Variants in GRID1 observed in about 807,000 individuals in gnomAD.
GRID1 encodes glutamate ionotropic receptor delta type subunit 1.
GRID1 carries 28 observed loss-of-function variants against 98.0 expected under a neutral mutation model. That is an observed-to-expected ratio of 0.29 (90% CI 0.21 to 0.39). The LOEUF (loss-of-function observed/expected upper bound fraction) is 0.39. Ranked by LOEUF, GRID1 falls within the 10% of genes least tolerant of loss-of-function variation. The pLI is 1.00. For synonymous variants in GRID1, 553 were observed against 538.5 expected, an observed-to-expected ratio of 1.03 and a Z score of -0.37; for missense variants, 1,111 against 1,340.5, an observed-to-expected ratio of 0.83 and a Z score of 2.67.
At chr10:85,794,660 T>A (rs1842509996) in intron 8 of GRID1, among the ~76,000 whole-genome samples, 1 of 152,242 alleles carries the variant, frequency 6.6e-6, no homozygotes, top group Non-Finnish European at 1.5e-5. Flanking sequence ...GTAATGGCAA[T>A]GGCAAATTCA....
chr10:86,363,426 T>G (rs570887487), intron 2 of GRID1, among the ~76,000 whole-genome samples: 8 of 152,138 alleles, frequency 5.3e-5, no homozygotes, highest in Admixed American at 4.6e-4. Flanking sequence ...GGGCTGAGGC[T>G]CTGGGGGCCG....
At chr10:86,243,274 T>A (rs879720371) in intron 2 of GRID1, among the ~76,000 whole-genome samples, 17 of 152,200 alleles carry the variant, frequency 1.1e-4, no homozygotes, top group Non-Finnish European at 2.2e-4. Context: ...CCGTGCTCAA[T>A]AGGGTAGGTC....
chr10:85,983,784 G>C (rs552409693), intron 4 of GRID1, among the ~76,000 whole-genome samples: 3 of 152,270 alleles, frequency 2.0e-5, no homozygotes, highest in Non-Finnish European at 4.4e-5. Flanking sequence ...GCACTCCATT[G>C]CTCAGGGGCT....
chr10:85,800,288 A>G (rs948288259), intron 8 of GRID1, among the ~76,000 whole-genome samples: 2 of 152,072 alleles, frequency 1.3e-5, no homozygotes, highest in Non-Finnish European at 2.9e-5. Context: ...ATAGTTGCGT[A>G]TCAGACAATA....
At chr10:86,239,573 G>A (rs1343365113) in intron 2 of GRID1, among the ~76,000 whole-genome samples, 1 of 152,204 alleles carries the variant, frequency 6.6e-6, no homozygotes, top group Non-Finnish European at 1.5e-5. Flanking sequence ...CCGTGTTGGA[G>A]GAGGGGCCTG....
chr10:85,890,330 C>T (rs1841182323), intron 5 of GRID1, among the ~76,000 whole-genome samples: 1 of 152,026 alleles, frequency 6.6e-6, no homozygotes, highest in Admixed American at 6.6e-5. Flanking sequence ...AAATGTATGA[C>T]ATGATGGATA....
At chr10:85,981,050 A>G (rs886420931) in intron 4 of GRID1, among the ~76,000 whole-genome samples, 4 of 152,198 alleles carry the variant, frequency 2.6e-5, no homozygotes, top group South Asian at 2.1e-4. Flanking sequence ...CTAGCTCCCA[A>G]TGAAGCCATA....
chr10:86,203,303 G>A (rs544916749), intron 3 of GRID1, among the ~76,000 whole-genome samples: 16 of 152,228 alleles, frequency 1.1e-4, no homozygotes, highest in South Asian at 4.2e-4. Context: ...CAGAGGCACC[G>A]TTTGTCTTGG....
At chr10:85,965,715 C>T (rs1035955871) in intron 4 of GRID1, among the ~76,000 whole-genome samples, 4 of 151,814 alleles carry the variant, frequency 2.6e-5, no homozygotes, top group African/African-American at 9.7e-5. Context: ...CAGCAAACCA[C>T]AATGGTACAT....
At chr10:85,992,967 T>A (rs541663558) in intron 4 of GRID1, among the ~76,000 whole-genome samples, 1 of 151,858 alleles carries the variant, frequency 6.6e-6, no homozygotes, top group Non-Finnish European at 1.5e-5. Context: ...AAAATAACAA[T>A]TTTAGAAGTT....
intron 8 of GRID1, among the ~76,000 whole-genome samples, chr10:85,788,552 T>C (rs1842450767): frequency 6.6e-6 from 1 of 152,208 alleles, no homozygotes; most frequent in Non-Finnish European, 1.5e-5. Context: ...TACTCCACAG[T>C]GACAGGCAAA....
chr10:86,000,560 G>T (rs1296086348), intron 4 of GRID1, among the ~76,000 whole-genome samples: 1 of 152,166 alleles, frequency 6.6e-6, no homozygotes, highest in African/African-American at 2.4e-5. Flanking sequence ...GCATGGTATT[G>T]GTGAAGGGAT....
intron 2 of GRID1, among the ~76,000 whole-genome samples, chr10:86,247,790 G>A (rs1378002527): frequency 1.3e-5 from 2 of 152,180 alleles, no homozygotes; most frequent in South Asian, 2.1e-4. Flanking sequence ...GGAGCACCCA[G>A]CCATGAACTA....
intron 5 of GRID1, among the ~76,000 whole-genome samples, chr10:85,905,146 G>A (rs1287171023): frequency 6.6e-6 from 1 of 151,888 alleles, no homozygotes; most frequent in Non-Finnish European, 1.5e-5. Context: ...TAAAGAGCAT[G>A]TTATATACAG....
intron 12 of GRID1, among the ~76,000 whole-genome samples, chr10:85,694,550 GTATATATATATA>G (rs56344083): frequency 0.027 from 2,471 of 92,250 alleles, 48 homozygotes; most frequent in Middle Eastern, 0.037. Context: ...AATGTGGTGT[GTATATATATATA>G]TATATATATA....
intron 5 of GRID1, among the ~76,000 whole-genome samples, chr10:85,872,552 A>AC (rs1318564838): frequency 6.6e-6 from 1 of 152,218 alleles, no homozygotes; most frequent in Non-Finnish European, 1.5e-5. Flanking sequence ...GTTGCACAGT[A>AC]CGTTTCTGTA....
intron 5 of GRID1, among the ~76,000 whole-genome samples, chr10:85,911,222 A>G (rs769894941): frequency 6.6e-6 from 1 of 152,168 alleles, no homozygotes; most frequent in Non-Finnish European, 1.5e-5. Flanking sequence ...GGAGCCAACC[A>G]GAAGGATGGG....
intron 2 of GRID1, among the ~76,000 whole-genome samples, chr10:86,285,529 A>G (rs1364739052): frequency 6.6e-6 from 1 of 152,242 alleles, no homozygotes; most frequent in Non-Finnish European, 1.5e-5. Flanking sequence ...TCAACAACAC[A>G]GGAACCCTGT....
intron 5 of GRID1, among the ~76,000 whole-genome samples, chr10:85,874,382 A>C (rs1843307365): frequency 6.6e-6 from 1 of 152,092 alleles, no homozygotes. Flanking sequence ...ATATTGTATG[A>C]CTTCCTAATA....
Sources: allele counts gnomAD v4.1 joint callset (sites outside exome capture counted in the v4.1 genomes callset), GRCh38; gene constraint gnomAD v4.1.1; transcripts MANE v1.5; gene names NCBI Gene and HGNC (gene_info 2026-07-23, HGNC 2026-07-21).